Variants in LAMC2 observed in about 807,000 individuals in gnomAD.
The protein encoded by LAMC2 is laminin subunit gamma 2, also known as laminin subunit gamma-2.
A neutral mutation model predicts 140.2 loss-of-function variants in LAMC2; 97 were observed. The ratio of observed to expected loss-of-function variants is 0.69; its 90% confidence interval spans 0.59 to 0.82. The LOEUF is 0.82. Ranked by LOEUF, LAMC2 falls within the 40% of genes least tolerant of loss-of-function variation. The pLI, the probability that LAMC2 is intolerant of heterozygous loss-of-function variation, is 0.00. For missense variants in LAMC2, 1,402 were observed against 1,476.1 expected (o/e 0.95, Z 0.82); for synonymous variants, 513 against 540.2 (o/e 0.95, Z 0.70).
At chr1:183,207,803 A>G (rs1658935571) in intron 1 of LAMC2, 78 bp from the exon 2 acceptor site, 5 of 1,208,188 alleles carry the variant, frequency 4.1e-6, no homozygotes, top group Non-Finnish European at 6.1e-6. Flanking sequence ...ATCAATAATA[A>G]CATAAACACC....
At chr1:183,250,470 G>A in the LAMC2 span, 1 of 152,512 alleles carries the variant, frequency 6.6e-6, no homozygotes, top group Non-Finnish European at 1.5e-5. Context: ...CCAGGGTAAG[G>A]CTTGGGAAGT....
chr1:183,252,513 A>C, the LAMC2 span: 1 of 748,324 alleles, frequency 1.3e-6, no homozygotes, highest in Non-Finnish European at 2.4e-6. Context: ...CCCCCACACT[A>C]TGGGGGGTTA....
intron 11 of LAMC2, 72 bp from the exon 12 acceptor site, chr1:183,230,889 C>T: frequency 6.4e-7 from 1 of 1,566,594 alleles, no homozygotes; most frequent in East Asian, 2.2e-5. Flanking sequence ...GATCTCCTTC[C>T]TTGTATCTTT....
chr1:183,207,674 G>A (rs1442441859), intron 1 of LAMC2, among the ~76,000 whole-genome samples: 2 of 152,168 alleles, frequency 1.3e-5, no homozygotes, highest in Non-Finnish European at 2.9e-5. Flanking sequence ...GCATTGCATA[G>A]TGCCTACTTC....
chr1:183,199,549 T>TTCCA (rs951717695), intron 1 of LAMC2, among the ~76,000 whole-genome samples: 8 of 151,856 alleles, frequency 5.3e-5, no homozygotes, highest in Admixed American at 3.3e-4. Context: ...TCCACCATCT[T>TTCCA]TCCATCCATC....
intron 7 of LAMC2, 117 bp from the exon 8 acceptor site, chr1:183,225,491 C>T: frequency 1.3e-6 from 1 of 775,270 alleles, no homozygotes; most frequent in South Asian, 1.4e-5. Flanking sequence ...CCTATGCCCC[C>T]TTCTAAGCAG....
chr1:183,202,220 C>CAA (rs1259812532), intron 1 of LAMC2, among the ~76,000 whole-genome samples: 6 of 145,136 alleles, frequency 4.1e-5, no homozygotes, highest in Non-Finnish European at 7.6e-5. Context: ...ACAACAACAA[C>CAA]AACAAAAAAA....
chr1:183,215,590 T>C lies in LAMC2; in HGVS notation c.404+2T>C. ...GTGCACCCAAGACCAGAGACTGCTG[T>C]GAGTATTTGCATCCCACCATGGCTG... On this transcript the variant is annotated splice_donor_variant, in intron 3 of 22. Coordinates refer to ENST00000264144, the MANE Select transcript of LAMC2 (RefSeq NM_005562.3). LOFTEE classifies it high-confidence loss of function. 2 of 1,614,092 alleles carry C rather than the reference T, an allele frequency of 1.2e-6. No individual in the cohort carries two copies. Among genetic ancestry groups the C allele is most frequent in the Non-Finnish European group, 1.7e-6 (2 of 1,179,974 alleles).
At chr1:183,222,004 C>A in intron 5 of LAMC2, 85 bp from the exon 6 acceptor site, 1 of 1,560,252 alleles carries the variant, frequency 6.4e-7, no homozygotes, top group Non-Finnish European at 8.8e-7. Context: ...ACCACTAGGA[C>A]TTGTCGGCAA....
chr1:183,223,339 C>T lies in LAMC2; in HGVS notation c.953+15C>T, dbSNP rs1245841924. On this transcript the variant is annotated intron_variant, in intron 7 of 22. Transcript: ENST00000264144. ...TACACATTCAGGTAAAAAGAGAGAC[C>T]ATAAGTAGGTCAATTAGAGCAAACT... 8.1e-6 allele frequency: 13 copies of T among 1,611,774 alleles called. No homozygotes were observed. The highest frequency in any genetic ancestry group is 1.1e-5 in the Non-Finnish European group (13 of 1,178,094).
chr1:183,217,405 TC>T (rs1316215819), intron 3 of LAMC2, among the ~76,000 whole-genome samples: 1 of 151,938 alleles, frequency 6.6e-6, no homozygotes, highest in Non-Finnish European at 1.5e-5. Flanking sequence ...AACCCAGCAA[TC>T]CCAGCAATTC....
chr1:183,221,890 G>A (rs569650690), intron 5 of LAMC2, among the ~76,000 whole-genome samples, 199 bp from the exon 6 acceptor site: 6 of 152,102 alleles, frequency 3.9e-5, no homozygotes, highest in African/African-American at 7.2e-5. Context: ...TAGCAGCTGC[G>A]GGATGGGAGC....
At chr1:183,248,276 T>A (rs1660280920), downstream of LAMC2, 1 of 152,668 alleles carries the variant, frequency 6.6e-6, no homozygotes, top group Non-Finnish European at 1.5e-5. Flanking sequence ...AATTGAAACA[T>A]TTTGCATAAA....
At position 183,215,575 on chromosome 1, in the gene LAMC2, G is replaced by A. The variant is rs956948591; in HGVS notation, c.391G>A (p.Asp131Asn). The A allele has an allele frequency of 2.5e-6, 4 of 1,614,016 alleles. No individual in the cohort carries two copies. In the African/African-American group the frequency reaches 5.3e-5, roughly 22 times the overall value. Residue 131 changes from aspartate to asparagine, a missense_variant, in exon 3 of 23, where the codon GAC becomes AAC. By Grantham distance (23) the Asp-to-Asn change is conservative. This residue lies in a region of LAMC2 where 723 missense variants were observed against 783.3 expected (regional missense o/e 0.92). Transcript: ENST00000264144. ...GCTCACGGATGCGGGGTGCACCCAA[G>A]ACCAGAGACTGCTGTGAGTATTTGC... ...HMLTDAGCTQ[D>N]QRLLDSKCDC...
rs940059622 is a variant in LAMC2, at chr1:183,223,683, A to G, written c.953+359A>G. 4.6e-5 allele frequency among the ~76,000 whole-genome samples: 7 copies of G among 152,322 alleles called. No individual in the cohort carries two copies. The South Asian group carries it at 1.4e-3, about 32-fold the overall frequency. On this transcript the variant is annotated intron_variant, in intron 7 of 22. Transcript: ENST00000264144. ...AAATGTGAAAGGCAGCCCTCTAAGG[A>G]AAGAGAAGGGAGGAAAGGTTAACAA...
chr1:183,213,017 T>C (rs1558086425), intron 2 of LAMC2, among the ~76,000 whole-genome samples: 1 of 152,270 alleles, frequency 6.6e-6, no homozygotes, highest in Non-Finnish European at 1.5e-5. Flanking sequence ...GGAGACATGC[T>C]GATCTTGCCT....
chr1:183,205,012 G>A (rs567283673), intron 1 of LAMC2, among the ~76,000 whole-genome samples: 311 of 152,112 alleles, frequency 2.0e-3, no homozygotes, highest in Non-Finnish European at 3.6e-3. Context: ...TAGTAGAGAC[G>A]GGGTTTCACT....
chr1:183,225,573 C>T lies in LAMC2; in HGVS notation c.954-35C>T, dbSNP rs117137738. On this transcript the variant is annotated intron_variant, in intron 7 of 22. Transcript: ENST00000264144. ...TAACAGGTAGGTATGTGGTAAGAAT[C>T]GGATTTTTAAAGCTTTTGATTTTAA... is the stretch of plus-strand genomic sequence containing the variant. The T allele has an allele frequency of 2.2e-4, 307 of 1,404,038 alleles. 1 individual carries two copies. The East Asian group carries it at 6.7e-3, about 31-fold the overall frequency. 87.0% of individuals were successfully genotyped at this position (1,404,038 alleles called of 1,614,324 possible).
At chr1:183,248,287 A>T (rs1317116337), downstream of LAMC2, 2 of 152,560 alleles carry the variant, frequency 1.3e-5, no homozygotes, top group African/African-American at 4.8e-5. Flanking sequence ...TTTGCATAAA[A>T]CTCTTGCCCA....
Sources: allele counts gnomAD v4.1 joint callset (sites outside exome capture counted in the v4.1 genomes callset), GRCh38; gene constraint gnomAD v4.1.1; regional missense constraint gnomAD v4.1.1; transcripts MANE v1.5; gene names NCBI Gene and HGNC (gene_info 2026-07-23, HGNC 2026-07-21).